Variants in RGS6 observed in about 807,000 individuals in gnomAD.
RGS6 encodes regulator of G protein signaling 6.
In RGS6, 30 loss-of-function variants were observed where a neutral mutation model predicts 78.5. The ratio of observed to expected loss-of-function variants is 0.38; its 90% confidence interval spans 0.29 to 0.52. RGS6 has a LOEUF of 0.52. Among genes scored for constraint, RGS6 ranks in the 20% least tolerant of loss-of-function variants. RGS6 has a pLI of 0.85. For synonymous variants in RGS6, 206 were observed against 206.0 expected, an observed-to-expected ratio of 1.00 and a Z score of 0.00; for missense variants, 495 against 609.7, an observed-to-expected ratio of 0.81 and a Z score of 1.98.
intron 2 of RGS6, among the ~76,000 whole-genome samples, chr14:71,982,634 A>C (rs3784056): frequency 6.6e-6 from 1 of 152,002 alleles, no homozygotes; most frequent in African/African-American, 2.4e-5. Flanking sequence ...TTTAAACTCT[A>C]TGACACTGCC....
chr14:72,374,896 T>A (rs1302357765), intron 3 of RGS6, among the ~76,000 whole-genome samples: 1 of 152,178 alleles, frequency 6.6e-6, no homozygotes, highest in Admixed American at 6.5e-5. Flanking sequence ...GATTAAGGAT[T>A]CTCAAAAAGG....
intron 2 of RGS6, among the ~76,000 whole-genome samples, chr14:72,075,862 A>C (rs2094555291): frequency 6.6e-6 from 1 of 152,164 alleles, no homozygotes; most frequent in Admixed American, 6.5e-5. Flanking sequence ...AAATATGCTA[A>C]AACCTCATCA....
chr14:71,919,194 G>T, the RGS6 span, among the ~76,000 whole-genome samples: 3 of 152,142 alleles, frequency 2.0e-5, no homozygotes, highest in Non-Finnish European at 4.4e-5. Flanking sequence ...AGCCTCAGAG[G>T]GGGAGAAGAG....
intron 17 of RGS6, among the ~76,000 whole-genome samples, chr14:72,544,122 A>C (rs943961196): frequency 3.3e-5 from 5 of 152,170 alleles, no homozygotes; most frequent in African/African-American, 9.6e-5. Flanking sequence ...CCTGGCTCTG[A>C]CATAGAGGAC....
At chr14:72,368,778 C>T (rs1364826466) in intron 3 of RGS6, among the ~76,000 whole-genome samples, 1 of 152,136 alleles carries the variant, frequency 6.6e-6, no homozygotes, top group African/African-American at 2.4e-5. Flanking sequence ...TTTAAAAATG[C>T]CTCAAAATAG....
At chr14:71,981,368 C>T (rs897235116) in intron 2 of RGS6, among the ~76,000 whole-genome samples, 1 of 152,200 alleles carries the variant, frequency 6.6e-6, no homozygotes, top group South Asian at 2.1e-4. Context: ...TTTTTCTATT[C>T]TGTTTTTTCC....
intron 17 of RGS6, among the ~76,000 whole-genome samples, chr14:72,548,342 T>TGTGTGTGTGTGTGTGTGTGTGTGCGC (rs796698263): frequency 5.9e-5 from 8 of 134,824 alleles, no homozygotes; most frequent in African/African-American, 2.5e-4. Flanking sequence ...TGTGTGTGTG[T>TGTGTGTGTGTGTGTGTGTGTGTGCGC]GCGCGCGTGT....
At chr14:72,160,365 TAGG>T (rs1008860515) in intron 2 of RGS6, among the ~76,000 whole-genome samples, 7 of 152,314 alleles carry the variant, frequency 4.6e-5, no homozygotes, top group African/African-American at 1.4e-4. Flanking sequence ...TCAAATGTCA[TAGG>T]AGAGGACTAC....
chr14:72,045,382 A>G lies in RGS6; in HGVS notation c.84+80507A>G, dbSNP rs115125659. ...ATAAGGTTTTATGTTAATCTAGACT[A>G]GATTAATCACAGACTACAGTTGGCC... On this transcript the variant is annotated intron_variant, in intron 2 of 17. Transcript: ENST00000553525. 2.3e-3 allele frequency among the ~76,000 whole-genome samples: 356 copies of G among 152,270 alleles called. 2 individuals carry two copies. The highest frequency in any genetic ancestry group is 8.3e-3 in the African/African-American group (345 of 41,546).
chr14:72,517,222 G>A (rs150780306), intron 14 of RGS6, among the ~76,000 whole-genome samples: 115 of 151,674 alleles, frequency 7.6e-4, no homozygotes, highest in Middle Eastern at 3.5e-3. Flanking sequence ...TTTCCACCAC[G>A]TCATGTTTCA....
At chr14:72,182,086 G>C (rs1226604855) in intron 2 of RGS6, among the ~76,000 whole-genome samples, 1 of 152,172 alleles carries the variant, frequency 6.6e-6, no homozygotes, top group Admixed American at 6.6e-5. Flanking sequence ...TCAGGTGTGA[G>C]GTTTTTTTTC....
At chr14:72,410,785 A>G (rs1157143634) in intron 3 of RGS6, among the ~76,000 whole-genome samples, 1 of 152,198 alleles carries the variant, frequency 6.6e-6, no homozygotes, top group Admixed American at 6.5e-5. Flanking sequence ...CTTTCTACAT[A>G]TGGCTAGCCA....
downstream of RGS6, chr14:72,566,669 AC>A (rs2097712791): frequency 3.6e-5 from 5 of 139,278 alleles, no homozygotes; most frequent in African/African-American, 1.1e-4. Flanking sequence ...ACACACACAC[AC>A]ACACACACAC....
chr14:72,323,157 A>C (rs917612780), intron 2 of RGS6, among the ~76,000 whole-genome samples: 2 of 152,198 alleles, frequency 1.3e-5, no homozygotes, highest in Non-Finnish European at 2.9e-5. Flanking sequence ...TCACATGGAA[A>C]AAATAGTATA....
intron 13 of RGS6, among the ~76,000 whole-genome samples, chr14:72,495,580 A>G (rs1176179269): frequency 6.6e-6 from 1 of 152,166 alleles, no homozygotes; most frequent in Admixed American, 6.5e-5. Flanking sequence ...CAGCAACAAT[A>G]ATGATAATAG....
At chr14:72,410,758 G>T (rs954485114) in intron 3 of RGS6, among the ~76,000 whole-genome samples, 14 of 152,120 alleles carry the variant, frequency 9.2e-5, no homozygotes, top group Admixed American at 6.6e-5. Flanking sequence ...AGGTGTAAAG[G>T]AGGGATCCAG....
chr14:71,912,986 C>T, the RGS6 span, among the ~76,000 whole-genome samples: 27 of 152,086 alleles, frequency 1.8e-4, no homozygotes, highest in East Asian at 3.9e-4. Flanking sequence ...CCACCACACC[C>T]GGCTAATTTT....
chr14:72,030,107 T>G (rs2090597963), intron 2 of RGS6, among the ~76,000 whole-genome samples: 1 of 152,206 alleles, frequency 6.6e-6, no homozygotes, highest in African/African-American at 2.4e-5. Context: ...AATAAGTTAT[T>G]AATGACACAT....
At chr14:72,460,990 C>T (rs1389421780) in intron 6 of RGS6, among the ~76,000 whole-genome samples, 1 of 152,016 alleles carries the variant, frequency 6.6e-6, no homozygotes, top group Non-Finnish European at 1.5e-5. Context: ...TGCAGAAGGG[C>T]AGGCTCTGGG....
Sources: gnomAD v4.1 joint callset for allele counts (sites outside exome capture counted in the v4.1 genomes callset) on GRCh38, gnomAD v4.1.1 for gene constraint, MANE v1.5 for transcripts, NCBI Gene and HGNC (gene_info 2026-07-23, HGNC 2026-07-21) for gene names.